The following PRAG1 variants were observed in gnomAD, a reference collection of about 807,000 sequenced individuals.
PRAG1 encodes the protein PEAK1 related, kinase-activating pseudokinase 1, also known as inactive tyrosine-protein kinase PRAG1.
A neutral mutation model predicts 95.6 loss-of-function variants in PRAG1; 110 were observed. The ratio of observed to expected loss-of-function variants is 1.15; its 90% CI spans 0.99 to 1.35. The LOEUF is 1.35. PRAG1 is among the 40% of genes most tolerant of loss of function. The pLI is 0.00. For synonymous variants in PRAG1, 1,052 were observed against 819.4 expected, an observed-to-expected ratio of 1.28 and a Z score of -4.85; for missense variants, 2,554 against 1,864.7, an observed-to-expected ratio of 1.37 and a Z score of -6.81.
At chr8:8,324,316 A>G (rs763937235) in intron 5 of PRAG1, among the ~76,000 whole-genome samples, 2 of 152,212 alleles carry the variant, frequency 1.3e-5, no homozygotes, top group South Asian at 2.1e-4. Context: ...GGCTGCTGAC[A>G]TTTTGCACAG....
chr8:8,329,280 C>G (rs766738551), intron 4 of PRAG1, among the ~76,000 whole-genome samples: 7 of 151,948 alleles, frequency 4.6e-5, no homozygotes, highest in Non-Finnish European at 7.4e-5. Context: ...ATAATCCCAG[C>G]GACTAAGGAG....
intron 3 of PRAG1, among the ~76,000 whole-genome samples, chr8:8,371,259 G>A (rs1585269677): frequency 1.3e-5 from 2 of 151,754 alleles, no homozygotes; most frequent in South Asian, 2.1e-4. Flanking sequence ...TCAATTGAGC[G>A]AAAACTTTCT....
chr8:8,331,967 G>C (rs1478837360), intron 4 of PRAG1, among the ~76,000 whole-genome samples: 1 of 151,954 alleles, frequency 6.6e-6, no homozygotes, highest in Non-Finnish European at 1.5e-5. Context: ...ATGAGTTTGG[G>C]GCACCAAACT....
At position 8,377,200 on chromosome 8, in the gene PRAG1, G is replaced by T; in HGVS notation, c.1209C>A (p.Pro403=). The T allele has an allele frequency of 6.2e-7, 1 of 1,611,662 alleles. No individual in the cohort carries two copies. Among genetic ancestry groups the T allele is most frequent in the Non-Finnish European group, 8.5e-7 (1 of 1,179,740 alleles). ...LTGEPQPPAH[P]REATQPEPIY... ...TGGGTTCAGGCTGTGTAGCCTCCCGGGGGTGGGCCGGGGGCTGGGGCTCCC... is the reference window on the plus strand; with the variant it reads ...TGGGTTCAGGCTGTGTAGCCTCCCGTGGGTGGGCCGGGGGCTGGGGCTCCC... Residue 403 remains proline (P), a synonymous_variant, in exon 3 of 6, where the codon CCC becomes CCA. Transcript: ENST00000615670.
rs1418625892 is a variant in PRAG1, at chr8:8,376,936, G to A, written c.1473C>T (p.Ser491=). 1.2e-6 allele frequency: 2 copies of A among 1,613,410 alleles called. No individual in the cohort carries two copies. The highest frequency in any genetic ancestry group is 2.2e-5 in the South Asian group (2 of 91,090). Residue 491 remains serine (S), a synonymous_variant, in exon 3 of 6, where the codon AGC becomes AGT. Transcript: ENST00000615670. ...PEEDHRTIYL[S]SPDSAVGVQW... Reference sequence around the variant, plus strand: ...GCACCCCCACTGCAGAGTCAGGGCTGCTCAGGTAGATCGTCCGATGGTCCT... The same window carrying A: ...GCACCCCCACTGCAGAGTCAGGGCTACTCAGGTAGATCGTCCGATGGTCCT...
intron 3 of PRAG1, among the ~76,000 whole-genome samples, chr8:8,371,817 A>G (rs1800217021): frequency 6.6e-6 from 1 of 152,114 alleles, no homozygotes; most frequent in Admixed American, 6.5e-5. Context: ...CTGCAGTGAG[A>G]TGGCACCACT....
intron 3 of PRAG1, among the ~76,000 whole-genome samples, chr8:8,353,060 A>C (rs1799575028): frequency 6.6e-6 from 1 of 152,260 alleles, no homozygotes; most frequent in South Asian, 2.1e-4. Context: ...AAGTATCTAA[A>C]TATAAAAAGC....
chr8:8,372,933 C>G (rs142246514), intron 3 of PRAG1, among the ~76,000 whole-genome samples: 1 of 152,318 alleles, frequency 6.6e-6, no homozygotes, highest in East Asian at 1.9e-4. Context: ...TGGAAAGAAA[C>G]AGTGTCCTGT....
At position 8,377,241 on chromosome 8, in the gene PRAG1, A is replaced by T. The variant is rs770680421; in HGVS notation, c.1168T>A (p.Cys390Ser). Residue 390 changes from cysteine (C) to serine (S), a missense_variant, in exon 3 of 6, where the codon TGC becomes AGC. By Grantham distance (112) the Cys-to-Ser change is moderately radical. Transcript: ENST00000615670. Reference sequence around the variant, plus strand: ...TGGGGCTCCCCCGTCAGCCCAAGGCATCTGCTAGGGGTCACCCCTGGGCAG... The same window carrying T: ...TGGGGCTCCCCCGTCAGCCCAAGGCTTCTGCTAGGGGTCACCCCTGGGCAG... ...PGCPGVTPSR[C>S]LGLTGEPQPP... 5 of 1,612,844 alleles carry T rather than the reference A, an allele frequency of 3.1e-6. No individual in the cohort carries two copies. The Admixed American group carries it at 6.7e-5, about 22-fold the overall frequency.
Position 8,377,416 on chromosome 8 carries a change from G to C in PRAG1, c.993C>G (p.Thr331=). Residue 331 remains threonine (T), a synonymous_variant, in exon 3 of 6, where the codon ACC becomes ACG. Transcript: ENST00000615670. ...SCLGPKKLSL[T]SEAAISSDGL... ...CGTCGGAAGAAATGGCAGCCTCCGA[G>C]GTGAGGGACAGTTTCTTGGGGCCCA... The C allele has an allele frequency of 6.4e-7, 1 of 1,569,770 alleles. No individual in the cohort carries two copies.
chr8:8,339,537 C>G lies in PRAG1; in HGVS notation c.2261G>C (p.Ser754Thr), dbSNP rs1799100218. Residue 754 changes from serine to threonine, a missense_variant, in exon 4 of 6, where the codon AGC becomes ACC. Coordinates refer to ENST00000615670, the MANE Select transcript of PRAG1 (RefSeq NM_001080826.3). Reference protein sequence around the residue: ...LSPSFRGVHVSFTTGSTDSLA... With the variant: ...LSPSFRGVHVTFTTGSTDSLA... ...GCTGTCCGTGGAGCCGGTGGTGAAGCTGACGTGGACACCCCTGAAGGATGG... is the reference window on the plus strand; with the variant it reads ...GCTGTCCGTGGAGCCGGTGGTGAAGGTGACGTGGACACCCCTGAAGGATGG... The G allele has an allele frequency of 6.2e-7, 1 of 1,614,194 alleles. No homozygotes were observed. The highest frequency in any genetic ancestry group is 8.5e-7 in the Non-Finnish European group (1 of 1,180,032).
intron 1 of PRAG1, among the ~76,000 whole-genome samples, 174 bp downstream of exon 1, chr8:8,386,147 C>T (rs576616120): frequency 6.6e-6 from 1 of 152,142 alleles, no homozygotes; most frequent in Admixed American, 6.5e-5. Flanking sequence ...CTCCCTGCAC[C>T]TCGGGCACCA....
At chr8:8,352,372 T>C (rs1799551424) in intron 3 of PRAG1, among the ~76,000 whole-genome samples, 2 of 152,244 alleles carry the variant, frequency 1.3e-5, no homozygotes, top group African/African-American at 4.8e-5. Flanking sequence ...TCCTCATTCC[T>C]GTACCAGGCA....
At chr8:8,351,782 C>T (rs185123502) in intron 3 of PRAG1, among the ~76,000 whole-genome samples, 82 of 152,186 alleles carry the variant, frequency 5.4e-4, no homozygotes, top group Non-Finnish European at 1.0e-3. Flanking sequence ...CCTGCCTTCC[C>T]CTTGCAAAAA....
Position 8,318,700 on chromosome 8 carries a change from G to T in PRAG1, c.3675C>A (p.Gly1225=). ...SNFLKAKQKP[G]GTPNLQQKKS... ...TCTTCTGCTGCAGGTTTGGGGTGCC[G>T]CCCGGCTTCTGCTTGGCCTTCAAAA... is the stretch of plus-strand genomic sequence containing the variant. Residue 1225 remains glycine, a synonymous_variant, in exon 6 of 6, where the codon GGC becomes GGA. Transcript: ENST00000615670. This position sits in a 1 kb window ranked among gnomAD's most constrained non-coding sequence, Gnocchi z 4.2. The T allele has an allele frequency of 5.0e-6, 8 of 1,610,070 alleles. No homozygotes were observed. The highest frequency in any genetic ancestry group is 5.9e-6 in the Non-Finnish European group (7 of 1,179,260).
rs373930433 is a variant in PRAG1, at chr8:8,377,106, G to A, written c.1303C>T (p.His435Tyr). 1.9e-6 allele frequency: 3 copies of A among 1,613,372 alleles called. No individual in the cohort carries two copies. The highest frequency in any genetic ancestry group is 2.5e-6 in the Non-Finnish European group (3 of 1,180,016). ...CCTTGGCCCTGGGCAGCAGCTGCAT[G>A]TTCTATCTTGGCCTGTGACTTGGAA... is the stretch of plus-strand genomic sequence containing the variant. ...VPSKSQAKIE[H>Y]AAAAQGQGQV... Residue 435 changes from histidine (H) to tyrosine (Y), a missense_variant, in exon 3 of 6, where the codon CAT becomes TAT. Physicochemically the swap from His to Tyr is moderately conservative, Grantham distance 83. Coordinates refer to ENST00000615670, the MANE Select transcript of PRAG1 (RefSeq NM_001080826.3).
At position 8,318,749 on chromosome 8, in the gene PRAG1, A is replaced by G; in HGVS notation, c.3626T>C (p.Leu1209Pro). ...AAAGTTGCTGATGATGAGCCGGGGC[A>G]GCTGCTTCTCCCGGGGCCCTTCCGG... Reference protein sequence around the residue: ...ASPEGPREKQLPRLIISNFLK... With the variant: ...ASPEGPREKQPPRLIISNFLK... Residue 1209 changes from leucine to proline, a missense_variant, in exon 6 of 6, where the codon CTG becomes CCG. By Grantham distance (98) the Leu-to-Pro change is moderately conservative. Coordinates refer to ENST00000615670, the MANE Select transcript of PRAG1 (RefSeq NM_001080826.3). This position sits in a 1 kb window ranked among gnomAD's most constrained non-coding sequence, Gnocchi z 4.2. 1 of 1,598,120 alleles carries G rather than the reference A, an allele frequency of 6.3e-7. No individual in the cohort carries two copies. Among genetic ancestry groups the G allele is most frequent in the Non-Finnish European group, 8.5e-7 (1 of 1,172,280 alleles).
chr8:8,362,815 C>A (rs985652883), intron 3 of PRAG1, among the ~76,000 whole-genome samples: 1 of 152,200 alleles, frequency 6.6e-6, no homozygotes, highest in Admixed American at 6.5e-5. Flanking sequence ...CTGGCTGGAG[C>A]TGGACCTCAC....
intron 1 of PRAG1, among the ~76,000 whole-genome samples, chr8:8,383,557 G>C (rs1456766810): frequency 6.6e-6 from 1 of 151,996 alleles, no homozygotes; most frequent in African/African-American, 2.4e-5. Flanking sequence ...CTCCAGCCTG[G>C]GTGACTAGAG....
Sources: gnomAD v4.1 joint callset for allele counts (sites outside exome capture counted in the v4.1 genomes callset) on GRCh38, gnomAD v4.1.1 for gene constraint, Gnocchi (gnomAD v3.1) non-coding constraint, MANE v1.5 for transcripts, NCBI Gene and HGNC (gene_info 2026-07-23, HGNC 2026-07-21) for gene names.